PDGFRL: variants seen among roughly 807,000 people sequenced by gnomAD.
PDGFRL encodes the protein platelet derived growth factor receptor like.
PDGFRL carries 46 observed loss-of-function variants against 37.2 expected under a neutral mutation model. The observed-to-expected ratio is 1.24, with a 90% CI of 0.98 to 1.58. PDGFRL has a LOEUF of 1.58. Ranked by LOEUF, PDGFRL falls within the 40% of genes most tolerant of loss-of-function variation. The pLI is 0.00. For missense variants in PDGFRL, 692 were observed against 467.6 expected (o/e 1.48, Z -4.43); for synonymous variants, 251 against 184.3 (o/e 1.36, Z -2.93).
At chr8:17,591,366 C>T (rs937848050) in intron 2 of PDGFRL, among the ~76,000 whole-genome samples, 3 of 152,100 alleles carry the variant, frequency 2.0e-5, no homozygotes, top group African/African-American at 7.2e-5. Context: ...ACACGTGCTT[C>T]CTGGGGTGCT....
chr8:17,628,598 C>G lies in PDGFRL; in HGVS notation c.617C>G (p.Thr206Arg). 2 of 1,614,136 alleles carry G rather than the reference C, an allele frequency of 1.2e-6. No individual in the cohort carries two copies. The highest frequency in any genetic ancestry group is 1.7e-6 in the Non-Finnish European group (2 of 1,179,986). ...CRVTVLSAKV[T>R]LHREFPAKEI... ...GTGACCGTGCTGTCGGCCAAAGTCA[C>G]GCTCCACAGGGAATTCCCAGCCAAG... The change falls in exon 4 of 6, where the codon ACG (threonine) becomes AGG (arginine). Residue 206 changes from threonine (T) to arginine (R), a missense_variant. Transcript: ENST00000251630.
chr8:17,610,636 C>G (rs1007781157), intron 2 of PDGFRL, among the ~76,000 whole-genome samples: 2 of 152,110 alleles, frequency 1.3e-5, no homozygotes, highest in African/African-American at 4.8e-5. Context: ...AAGGGCCAGG[C>G]GCGGTGGCTC....
At chr8:17,629,126 C>G (rs187898766) in intron 4 of PDGFRL, among the ~76,000 whole-genome samples, 1 of 147,714 alleles carries the variant, frequency 6.8e-6, no homozygotes, top group Non-Finnish European at 1.5e-5. Flanking sequence ...GAAGAGGTCT[C>G]CCTACCTTGC....
At chr8:17,623,884 A>AAAAAT (rs1554553925) in intron 3 of PDGFRL, among the ~76,000 whole-genome samples, 1 of 151,020 alleles carries the variant, frequency 6.6e-6, no homozygotes, top group African/African-American at 2.4e-5. Context: ...AAAAAAAAAA[A>AAAAAT]ATACGGGCTC....
intron 3 of PDGFRL, among the ~76,000 whole-genome samples, chr8:17,627,992 T>G (rs895450156): frequency 1.6e-5 from 2 of 125,568 alleles, no homozygotes; most frequent in Non-Finnish European, 3.3e-5. Context: ...TTTCTTTCTT[T>G]TTTTTTTTTT....
At chr8:17,628,001 T>A (rs1486957415) in intron 3 of PDGFRL, among the ~76,000 whole-genome samples, 1 of 136,542 alleles carries the variant, frequency 7.3e-6, no homozygotes, top group Non-Finnish European at 1.6e-5. Context: ...TTTTTTTTTT[T>A]TTTTTTTTTT....
At chr8:17,593,937 A>G (rs1803997001) in intron 2 of PDGFRL, among the ~76,000 whole-genome samples, 1 of 151,978 alleles carries the variant, frequency 6.6e-6, no homozygotes, top group Non-Finnish European at 1.5e-5. Flanking sequence ...AGTGTACAGT[A>G]TTGTTAACTA....
chr8:17,585,043 A>T (rs565132403), intron 1 of PDGFRL, among the ~76,000 whole-genome samples: 12 of 152,122 alleles, frequency 7.9e-5, no homozygotes, highest in Non-Finnish European at 1.6e-4. Context: ...TCCTTTTTAG[A>T]CCATATAGGA....
intron 3 of PDGFRL, among the ~76,000 whole-genome samples, chr8:17,623,262 C>G (rs1804666803): frequency 6.6e-6 from 1 of 152,138 alleles, no homozygotes; most frequent in Non-Finnish European, 1.5e-5. Context: ...GACTGATAGC[C>G]AGATTCTAGC....
intron 2 of PDGFRL, among the ~76,000 whole-genome samples, chr8:17,617,809 T>G (rs1804558506): frequency 6.6e-6 from 1 of 152,142 alleles, no homozygotes; most frequent in African/African-American, 2.4e-5. Flanking sequence ...ACTTTCCCAG[T>G]AGGAATGGCA....
At chr8:17,593,373 C>G (rs1217384010) in intron 2 of PDGFRL, among the ~76,000 whole-genome samples, 1 of 151,832 alleles carries the variant, frequency 6.6e-6, no homozygotes, top group African/African-American at 2.4e-5. Flanking sequence ...GGGCGGATCA[C>G]TTGAACCCAG....
chr8:17,611,112 G>A (rs1804402954), intron 2 of PDGFRL, among the ~76,000 whole-genome samples: 1 of 152,160 alleles, frequency 6.6e-6, no homozygotes, highest in Non-Finnish European at 1.5e-5. Context: ...CTTTTCTCAG[G>A]AGTCCCCAGG....
intron 2 of PDGFRL, among the ~76,000 whole-genome samples, chr8:17,602,471 G>C (rs1222190455): frequency 6.6e-6 from 1 of 152,152 alleles, no homozygotes; most frequent in African/African-American, 2.4e-5. Context: ...AGGCAAGAGA[G>C]AGTAATCATC....
At chr8:17,632,913 G>T (rs181651584) in intron 4 of PDGFRL, among the ~76,000 whole-genome samples, 12 of 152,276 alleles carry the variant, frequency 7.9e-5, no homozygotes, top group Admixed American at 4.6e-4. Context: ...TTCAAACAGC[G>T]CTTCCTCAAG....
At chr8:17,640,594 A>C (rs1431883379) in intron 5 of PDGFRL, among the ~76,000 whole-genome samples, 1 of 152,046 alleles carries the variant, frequency 6.6e-6, no homozygotes, top group African/African-American at 2.4e-5. Flanking sequence ...CTGGGCTGGT[A>C]CTTAGTGGTG....
intron 3 of PDGFRL, among the ~76,000 whole-genome samples, chr8:17,622,866 G>A (rs1804660387): frequency 6.6e-6 from 1 of 152,124 alleles, no homozygotes; most frequent in South Asian, 2.1e-4. Flanking sequence ...CAGTGTACCT[G>A]CAGGCCCTTA....
intron 2 of PDGFRL, among the ~76,000 whole-genome samples, chr8:17,613,985 G>T (rs558950941): frequency 6.6e-6 from 1 of 152,214 alleles, no homozygotes; most frequent in African/African-American, 2.4e-5. Context: ...TGGAAATATT[G>T]TATCACATTG....
chr8:17,617,699 TTTCC>T (rs1367167819), intron 2 of PDGFRL, among the ~76,000 whole-genome samples: 1 of 152,184 alleles, frequency 6.6e-6, no homozygotes, highest in Non-Finnish European at 1.5e-5. Context: ...TTCCAGTGCG[TTTCC>T]TTCCTTCCGC....
chr8:17,624,349 A>G (rs889067029), intron 3 of PDGFRL, among the ~76,000 whole-genome samples: 1 of 152,226 alleles, frequency 6.6e-6, no homozygotes, highest in African/African-American at 2.4e-5. Context: ...TGATTAAATA[A>G]TTGCCGTATG....
Sources: allele counts gnomAD v4.1 joint callset (sites outside exome capture counted in the v4.1 genomes callset), GRCh38; gene constraint gnomAD v4.1.1; transcripts MANE v1.5; gene names NCBI Gene and HGNC (gene_info 2026-07-23, HGNC 2026-07-21).